Variants in TNFRSF19 observed in about 807,000 individuals in gnomAD.
TNFRSF19 encodes TNF receptor superfamily member 19.
TNFRSF19 carries 27 observed loss-of-function variants against 46.4 expected under a neutral mutation model. The observed-to-expected ratio is 0.58, with a 90% CI of 0.43 to 0.80. The LOEUF (loss-of-function observed/expected upper bound fraction) is 0.80. Among genes scored for constraint, TNFRSF19 ranks in the 30% least tolerant of loss-of-function variants. The pLI, the probability that TNFRSF19 is intolerant of heterozygous loss-of-function variation, is 0.00. For synonymous variants in TNFRSF19, 204 were observed against 205.0 expected (o/e 1.00, Z 0.04); for missense variants, 511 against 530.8 (o/e 0.96, Z 0.37).
chr13:23,657,474 G>A (rs1884055380), intron 5 of TNFRSF19, among the ~76,000 whole-genome samples: 2 of 152,172 alleles, frequency 1.3e-5, no homozygotes, highest in African/African-American at 4.8e-5. Context: ...ATAGCCATTA[G>A]CCACATGTGG....
intron 2 of TNFRSF19, 111 bp downstream of exon 2, chr13:23,590,363 C>A: frequency 1.5e-6 from 1 of 655,144 alleles, no homozygotes; most frequent in Non-Finnish European, 2.4e-6. Context: ...GAGACAGAGT[C>A]TTGCTCTTTT....
chr13:23,634,515 G>A (rs1044822060), intron 5 of TNFRSF19, among the ~76,000 whole-genome samples: 1 of 152,156 alleles, frequency 6.6e-6, no homozygotes, highest in Admixed American at 6.5e-5. Flanking sequence ...CTAAAATCCA[G>A]CAGGACTGTT....
At chr13:23,663,076 A>C (rs1884471700) in intron 7 of TNFRSF19, among the ~76,000 whole-genome samples, 1 of 151,994 alleles carries the variant, frequency 6.6e-6, no homozygotes, top group African/African-American at 2.4e-5. Flanking sequence ...GGTGAGAGAG[A>C]GCATCCTTGC....
intron 5 of TNFRSF19, among the ~76,000 whole-genome samples, chr13:23,629,556 G>A (rs1882223359): frequency 6.6e-6 from 1 of 152,184 alleles, no homozygotes; most frequent in Non-Finnish European, 1.5e-5. Context: ...GTACCTGCCT[G>A]CTAAGGAACA....
At chr13:23,580,540 T>A (rs1051181326) in intron 1 of TNFRSF19, among the ~76,000 whole-genome samples, 5 of 152,278 alleles carry the variant, frequency 3.3e-5, no homozygotes, top group African/African-American at 9.6e-5. Context: ...TACTTCAGGA[T>A]TTACTCAGTA....
intron 1 of TNFRSF19, among the ~76,000 whole-genome samples, chr13:23,582,678 TTTCCTTAC>T (rs1355568649): frequency 1.3e-5 from 2 of 152,330 alleles, no homozygotes; most frequent in East Asian, 3.9e-4. Context: ...CACCCAAAAG[TTTCCTTAC>T]AACTCGTTGT....
chr13:23,623,290 C>G (rs765226771), intron 4 of TNFRSF19, among the ~76,000 whole-genome samples: 2 of 152,192 alleles, frequency 1.3e-5, no homozygotes, highest in African/African-American at 2.4e-5. Context: ...AGGAACCCCT[C>G]CTACTTGTTA....
intron 3 of TNFRSF19, among the ~76,000 whole-genome samples, chr13:23,607,325 T>C (rs1880577301): frequency 6.6e-6 from 1 of 151,890 alleles, no homozygotes; most frequent in African/African-American, 2.4e-5. Context: ...TCCCAGCTAC[T>C]CAGGAGGCTG....
At chr13:23,636,560 C>G (rs749376926) in intron 5 of TNFRSF19, among the ~76,000 whole-genome samples, 1 of 152,158 alleles carries the variant, frequency 6.6e-6, no homozygotes, top group Non-Finnish European at 1.5e-5. Context: ...TCCCAGTTCT[C>G]AGGGAGTTAA....
intron 9 of TNFRSF19, among the ~76,000 whole-genome samples, chr13:23,671,615 CAACCAAGTGTTT>C (rs1234070583): frequency 6.6e-6 from 1 of 152,130 alleles, no homozygotes; most frequent in Non-Finnish European, 1.5e-5. Context: ...TTTCAAGGTC[CAACCAAGTGTTT>C]AACTCAAGTA....
At chr13:23,607,360 G>A (rs1880580319) in intron 3 of TNFRSF19, among the ~76,000 whole-genome samples, 1 of 152,128 alleles carries the variant, frequency 6.6e-6, no homozygotes, top group Admixed American at 6.5e-5. Context: ...CTTGAGTCTG[G>A]GAGGCAGAGT....
rs189156753 is a variant in TNFRSF19, at chr13:23,659,334, G to A, written c.610+120G>A. 1.4e-5 allele frequency: 16 copies of A among 1,108,102 alleles called. No individual in the cohort carries two copies. Among genetic ancestry groups the A allele is most frequent in the East Asian group, 1.2e-4 (5 of 40,524 alleles). 68.6% of individuals were successfully genotyped at this position (1,108,102 alleles called of 1,614,324 possible). ...AAGCACCAGTGAGTTGTGAAAGAACGCAGGGCACAAGAAACACAGGTGATC... is the reference window on the plus strand; with the variant it reads ...AAGCACCAGTGAGTTGTGAAAGAACACAGGGCACAAGAAACACAGGTGATC... On this transcript the variant is annotated intron_variant, in intron 6 of 9. Transcript: ENST00000248484. This position sits in a 1 kb window ranked among gnomAD's most constrained non-coding sequence, Gnocchi z 4.9.
Position 23,615,908 on chromosome 13 carries a change from G to A in TNFRSF19, c.222G>A (p.Thr74=), listed in dbSNP as rs763104036. The A allele has an allele frequency of 8.1e-6, 13 of 1,613,398 alleles. No individual in the cohort carries two copies. The highest frequency in any genetic ancestry group is 1.7e-5 in the Admixed American group (1 of 59,960). Reference sequence around the variant, plus strand: ...ATGGGGAGGATGCACAGTGTGTGACGTGCCGGCTGCACAGGTTCAAGGAGG... The same window carrying A: ...ATGGGGAGGATGCACAGTGTGTGACATGCCGGCTGCACAGGTTCAAGGAGG... ...FGYGEDAQCV[T]CRLHRFKEDW... is the part of the protein sequence containing the mutation. The change falls in exon 4 of 10, where the codon ACG becomes ACA. Residue 74 remains threonine, a synonymous_variant. Transcript: ENST00000248484.
intron 3 of TNFRSF19, chr13:23,594,504 G>A (rs989025008): frequency 2.4e-5 from 5 of 207,240 alleles, no homozygotes; most frequent in African/African-American, 1.2e-4. Context: ...CAAACTGGGT[G>A]GATCCCGCCA....
intron 5 of TNFRSF19, among the ~76,000 whole-genome samples, chr13:23,645,800 A>G (rs1359348381): frequency 6.6e-6 from 1 of 152,120 alleles, no homozygotes; most frequent in African/African-American, 2.4e-5. Context: ...TCAGTTGTGT[A>G]TGTCCAGCTG....
In TNFRSF19 at chr13:23,660,367, T is replaced by A. The variant is rs1464269452; in HGVS notation, c.613T>A (p.Ser205Thr). The change falls in exon 7 of 10, where the codon TCT becomes ACT. Residue 205 changes from serine to threonine, a missense_variant and splice_region_variant. This residue lies in a region of TNFRSF19 where 376 missense variants were observed against 372.7 expected (regional missense o/e 1.01). Transcript: ENST00000248484. ...CAGAGTTCTCACCCCTCATTTAGGG[T>A]CTCTGCGGTCACAGGACATTCAGTA... ...RQFMEKKPSW[S>T]LRSQDIQYNG... 6.2e-7 allele frequency: 1 copy of A among 1,613,226 alleles called. No individual in the cohort carries two copies. The highest frequency in any genetic ancestry group is 2.2e-5 in the East Asian group (1 of 44,848).
At chr13:23,581,914 A>C (rs1422326615) in intron 1 of TNFRSF19, among the ~76,000 whole-genome samples, 6 of 152,240 alleles carry the variant, frequency 3.9e-5, no homozygotes, top group Admixed American at 3.9e-4. Context: ...AGCATTAAAA[A>C]GTCTGAAAAA....
intron 3 of TNFRSF19, among the ~76,000 whole-genome samples, chr13:23,610,588 C>T (rs898335486): frequency 3.9e-5 from 6 of 152,006 alleles, no homozygotes; most frequent in Admixed American, 6.5e-5. Flanking sequence ...TTGCTGGGGC[C>T]GTTACAAGCT....
In TNFRSF19 at chr13:23,649,432, T is replaced by C. The variant is rs553098490; in HGVS notation, c.446-9618T>C. On this transcript the variant is annotated intron_variant, in intron 5 of 9. Coordinates refer to ENST00000248484, the MANE Select transcript of TNFRSF19 (RefSeq NM_148957.4). Reference sequence around the variant, plus strand: ...TAATATTCTCTTTCATTTCTGAATTTAGTAATTTGACTATTCTCTCTTATT... The same window carrying C: ...TAATATTCTCTTTCATTTCTGAATTCAGTAATTTGACTATTCTCTCTTATT... 1.2e-4 allele frequency among the ~76,000 whole-genome samples: 19 copies of C among 152,214 alleles called. No homozygotes were observed. In the East Asian group the frequency reaches 3.5e-3, roughly 28 times the overall value.
Sources: allele counts gnomAD v4.1 joint callset (sites outside exome capture counted in the v4.1 genomes callset), GRCh38; gene constraint gnomAD v4.1.1; regional missense constraint gnomAD v4.1.1; non-coding constraint Gnocchi (gnomAD v3.1); transcripts MANE v1.5; gene names NCBI Gene and HGNC (gene_info 2026-07-23, HGNC 2026-07-21).